FOXP1: variants seen among roughly 807,000 people sequenced by gnomAD.
FOXP1 encodes the protein forkhead box protein P1.
Under a neutral mutation model 98.2 loss-of-function variants are expected in FOXP1, and 15 were observed. The ratio of observed to expected loss-of-function variants is 0.15; its 90% CI spans 0.10 to 0.24. The LOEUF is 0.24. FOXP1 is among the 10% of genes least tolerant of loss of function. FOXP1 has a pLI of 1.00. For synonymous variants in FOXP1, 371 were observed against 314.5 expected, an observed-to-expected ratio of 1.18 and a Z score of -1.90; for missense variants, 633 against 848.5, an observed-to-expected ratio of 0.75 and a Z score of 3.15.
chr3:71,061,414 CTTT>C (rs1248900034), intron 7 of FOXP1, among the ~76,000 whole-genome samples: 1 of 152,088 alleles, frequency 6.6e-6, no homozygotes, highest in Non-Finnish European at 1.5e-5. Context: ...GCATTCTCAA[CTTT>C]TTTATGTAGG....
intron 4 of FOXP1, among the ~76,000 whole-genome samples, 161 bp downstream of exon 4, chr3:71,358,989 G>A (rs1466280850): frequency 6.6e-6 from 1 of 152,174 alleles, no homozygotes; most frequent in African/African-American, 2.4e-5. Flanking sequence ...GCTATCATGG[G>A]GGGTAGCAGC....
In FOXP1 at chr3:71,315,079, TAAAAAAAAAAAAAAA is replaced by T. The variant is rs11355298; in HGVS notation, c.-72-15214_-72-15200del. 1.7e-4 allele frequency among the ~76,000 whole-genome samples: 12 copies of T among 70,674 alleles called. No individual in the cohort carries two copies. In the East Asian group the frequency reaches 5.9e-3, roughly 35 times the overall value. The allele number at this position is 70,674 out of a possible 152,430, so 46.4% of individuals were successfully genotyped here. ...TGAACTAATCCACACCTGGTCCATG[TAAAAAAAAAAAAAAA>T]AAAAAAAAAAAAAGAAAGAAAGAAA... On this transcript the variant is annotated intron_variant, in intron 4 of 20. Coordinates refer to ENST00000649528, the MANE Select transcript of FOXP1 (RefSeq NM_001349338.3).
rs541954547 is a variant in FOXP1 at position 71,303,644 on chromosome 3, T to C, written c.-72-3764A>G. ...GAAAAATATAAGACAAGAGTCACTT[T>C]ATTTTCTATAGTGAAGAAAATCTAC... On this transcript the variant is annotated intron_variant, in intron 4 of 20. Transcript: ENST00000649528. Among the ~76,000 whole-genome samples, 8 of 152,328 alleles carry C rather than the reference T, an allele frequency of 5.3e-5. No homozygotes were observed. The South Asian group carries it at 1.4e-3, about 28-fold the overall frequency.
In FOXP1 at chr3:70,958,536, A is replaced by G; in HGVS notation, c.*711T>C. On this transcript the variant is annotated 3_prime_UTR_variant, in exon 21 of 21. Transcript: ENST00000649528. ...CTTTGTATAATAAAAACACCTATTAACATTCATCACAAGGTACAGAAAACT... is the reference window on the plus strand; with the variant it reads ...CTTTGTATAATAAAAACACCTATTAGCATTCATCACAAGGTACAGAAAACT... The G allele has an allele frequency of 3.3e-6, 1 of 303,938 alleles. No homozygotes were observed. The highest frequency in any genetic ancestry group is 6.4e-6 in the Non-Finnish European group (1 of 157,480). 18.8% of individuals were successfully genotyped at this position (303,938 alleles called of 1,614,324 possible).
At chr3:71,359,495 C>T (rs766733219) in intron 3 of FOXP1, among the ~76,000 whole-genome samples, 1 of 152,152 alleles carries the variant, frequency 6.6e-6, no homozygotes, top group Non-Finnish European at 1.5e-5. Flanking sequence ...CTCTTGAAGG[C>T]ACTGACATCC....
chr3:71,286,696 GAAACA>G (rs1425534455), intron 5 of FOXP1, among the ~76,000 whole-genome samples: 4 of 152,040 alleles, frequency 2.6e-5, no homozygotes. Context: ...ATTCAAATCA[GAAACA>G]AAACAAAACA....
intron 4 of FOXP1, chr3:71,305,819 C>CCCT (rs2074234289): frequency 6.5e-6 from 1 of 152,680 alleles, no homozygotes; most frequent in Admixed American, 6.5e-5. Context: ...CAGCAAAGTA[C>CCCT]CCTCTCAACA....
At chr3:71,017,510 GA>G (rs138008805) in intron 11 of FOXP1, among the ~76,000 whole-genome samples, 20 of 146,250 alleles carry the variant, frequency 1.4e-4, no homozygotes, top group African/African-American at 1.8e-4. Flanking sequence ...ATCCTGAAAA[GA>G]AAAAAAAAAC....
At chr3:71,205,218 G>C (rs1008379653) in intron 5 of FOXP1, among the ~76,000 whole-genome samples, 2 of 152,068 alleles carry the variant, frequency 1.3e-5, no homozygotes, top group Non-Finnish European at 2.9e-5. Context: ...TTTCCGAATT[G>C]ACAAACAAAT....
chr3:71,268,490 G>T (rs1317044801), intron 5 of FOXP1, among the ~76,000 whole-genome samples: 1 of 152,002 alleles, frequency 6.6e-6, no homozygotes, highest in Non-Finnish European at 1.5e-5. Flanking sequence ...AATTAAAACC[G>T]ATCTTCTTCT....
At chr3:71,488,247 G>A (rs1157759578) in intron 3 of FOXP1, among the ~76,000 whole-genome samples, 1 of 152,176 alleles carries the variant, frequency 6.6e-6, no homozygotes, top group Non-Finnish European at 1.5e-5. Flanking sequence ...TGAATTAAAT[G>A]CAATCTTCTA....
intron 2 of FOXP1, among the ~76,000 whole-genome samples, chr3:71,541,160 T>C (rs1048954005): frequency 6.6e-6 from 1 of 152,230 alleles, no homozygotes; most frequent in African/African-American, 2.4e-5. Flanking sequence ...TTCATGCTTT[T>C]TCCAAGCTTT....
intron 13 of FOXP1, among the ~76,000 whole-genome samples, chr3:70,989,371 G>A (rs548553301): frequency 2.6e-5 from 4 of 151,786 alleles, no homozygotes; most frequent in Non-Finnish European, 5.9e-5. Flanking sequence ...AAAAACAGCC[G>A]TACAGTGTTA....
intron 7 of FOXP1, among the ~76,000 whole-genome samples, chr3:71,096,261 T>C (rs933064197): frequency 3.9e-5 from 6 of 152,188 alleles, no homozygotes; most frequent in African/African-American, 1.4e-4. Flanking sequence ...GCTGTCTTCT[T>C]GACTGGTGGT....
chr3:71,269,815 T>G (rs751927539), intron 5 of FOXP1, among the ~76,000 whole-genome samples: 1 of 152,216 alleles, frequency 6.6e-6, no homozygotes, highest in Non-Finnish European at 1.5e-5. Context: ...TAAATGTTCC[T>G]TAACAGCCTC....
At chr3:71,402,801 T>C (rs1212374767) in intron 3 of FOXP1, among the ~76,000 whole-genome samples, 1 of 152,222 alleles carries the variant, frequency 6.6e-6, no homozygotes, top group African/African-American at 2.4e-5. Flanking sequence ...TGCTGAAATG[T>C]TTTATTTGTT....
intron 4 of FOXP1, among the ~76,000 whole-genome samples, chr3:71,358,525 T>C (rs1442150559): frequency 1.3e-5 from 2 of 152,254 alleles, no homozygotes; most frequent in African/African-American, 4.8e-5. Flanking sequence ...TGCTTTCACA[T>C]GCATTATATC....
At chr3:70,979,046 C>G (rs1273444762) in intron 14 of FOXP1, among the ~76,000 whole-genome samples, 1 of 151,768 alleles carries the variant, frequency 6.6e-6, no homozygotes, top group Non-Finnish European at 1.5e-5. Context: ...GTGGGAGGAT[C>G]TCTTGAGGCC....
At chr3:71,482,649 C>T (rs2090367025) in intron 3 of FOXP1, among the ~76,000 whole-genome samples, 1 of 152,104 alleles carries the variant, frequency 6.6e-6, no homozygotes, top group Non-Finnish European at 1.5e-5. Flanking sequence ...ATCCAACCAC[C>T]TTGGCCTACC....
Sources: allele counts gnomAD v4.1 joint callset (sites outside exome capture counted in the v4.1 genomes callset), GRCh38; gene constraint gnomAD v4.1.1; transcripts MANE v1.5; gene names NCBI Gene and HGNC (gene_info 2026-07-23, HGNC 2026-07-21).